Variants in PDE10A observed in about 807,000 individuals in gnomAD.
The protein encoded by PDE10A is phosphodiesterase 10A, also known as cAMP and cAMP-inhibited cGMP 3',5'-cyclic phosphodiesterase 10A.
A neutral mutation model predicts 97.7 loss-of-function variants in PDE10A; 39 were observed. That is an observed-to-expected ratio of 0.40 (90% CI 0.31 to 0.52). The LOEUF is 0.52. Ranked by LOEUF, PDE10A falls within the 20% of genes least tolerant of loss-of-function variation. The pLI is 0.56. For synonymous variants in PDE10A, 371 were observed against 376.8 expected, an observed-to-expected ratio of 0.98 and a Z score of 0.18; for missense variants, 731 against 1,047.8, an observed-to-expected ratio of 0.70 and a Z score of 4.17.
intron 1 of PDE10A, among the ~76,000 whole-genome samples, chr6:165,750,597 A>G (rs1004752959): frequency 1.3e-5 from 2 of 152,246 alleles, no homozygotes; most frequent in Non-Finnish European, 2.9e-5. Context: ...CAGAGACCAC[A>G]GTTTTTAATG....
intron 1 of PDE10A, among the ~76,000 whole-genome samples, chr6:165,563,260 G>GAGGAAGGAGGGA (rs1784613628): frequency 6.9e-6 from 1 of 145,388 alleles, no homozygotes; most frequent in African/African-American, 2.5e-5. Flanking sequence ...GGGAGGGAGG[G>GAGGAAGGAGGGA]AGGAAGGAGG....
intron 1 of PDE10A, among the ~76,000 whole-genome samples, chr6:165,821,028 A>G (rs1310523202): frequency 2.0e-5 from 3 of 152,206 alleles, no homozygotes; most frequent in African/African-American, 4.8e-5. Context: ...AGAAACATAC[A>G]TTGCACGTTG....
chr6:165,630,647 T>C (rs760296014), intron 1 of PDE10A, among the ~76,000 whole-genome samples: 1 of 152,214 alleles, frequency 6.6e-6, no homozygotes, highest in African/African-American at 2.4e-5. Flanking sequence ...CCATGGCTTA[T>C]GCTGGTAGGA....
rs1377560147 is a variant in PDE10A, at chr6:165,418,591, C to A, written c.1796+44G>T. The A allele has an allele frequency of 5.7e-6, 9 of 1,583,142 alleles. No individual in the cohort carries two copies. The highest frequency in any genetic ancestry group is 3.4e-5 in the Admixed American group (2 of 58,212). On this transcript the variant is annotated intron_variant, in intron 11 of 21. Coordinates refer to ENST00000539869, the MANE Select transcript of PDE10A (RefSeq NM_001385079.1). This position sits in a 1 kb window ranked among gnomAD's most constrained non-coding sequence, Gnocchi z 4.8. ...AGAAAAATGGGTAACGGAACGCCTG[C>A]ACATCTACCGTAAGAGGATAGGACA... is the stretch of plus-strand genomic sequence containing the variant.
chr6:165,691,190 T>A (rs1253652448), intron 1 of PDE10A, among the ~76,000 whole-genome samples: 18 of 44,208 alleles, frequency 4.1e-4, no homozygotes, highest in African/African-American at 1.4e-3. Flanking sequence ...TCTCTCTCCC[T>A]CTCTCTCTCT....
chr6:165,380,912 A>C (rs936080944), intron 17 of PDE10A, among the ~76,000 whole-genome samples: 18 of 152,346 alleles, frequency 1.2e-4, no homozygotes, highest in African/African-American at 4.3e-4. Context: ...AATGCCTGTC[A>C]CCTCTATTTC....
chr6:165,641,425 G>A (rs939855608), intron 1 of PDE10A, among the ~76,000 whole-genome samples: 1 of 152,138 alleles, frequency 6.6e-6, no homozygotes, highest in Non-Finnish European at 1.5e-5. Context: ...TCTAAGAAGA[G>A]AAGGCATCAC....
chr6:165,783,519 A>T (rs578142989), intron 1 of PDE10A, among the ~76,000 whole-genome samples: 1 of 152,314 alleles, frequency 6.6e-6, no homozygotes, highest in East Asian at 1.9e-4. Flanking sequence ...CTATTTGATG[A>T]TTCTGTTTTT....
intron 2 of PDE10A, among the ~76,000 whole-genome samples, chr6:165,484,505 T>C (rs747458858): frequency 6.6e-6 from 1 of 152,224 alleles, no homozygotes; most frequent in Non-Finnish European, 1.5e-5. Flanking sequence ...GGATCTAGGC[T>C]GTGTGCTCCT....
At chr6:165,935,917 C>T (rs1197292794) in intron 1 of PDE10A, among the ~76,000 whole-genome samples, 1 of 152,234 alleles carries the variant, frequency 6.6e-6, no homozygotes, top group Non-Finnish European at 1.5e-5. Flanking sequence ...GCCTCCAGAA[C>T]TGTGAGCCAA....
chr6:165,482,091 T>C (rs1779637229), intron 3 of PDE10A, among the ~76,000 whole-genome samples: 1 of 152,212 alleles, frequency 6.6e-6, no homozygotes, highest in Non-Finnish European at 1.5e-5. Context: ...CATAGGCACG[T>C]GCAGCCGAAC....
At chr6:165,395,103 G>A in intron 15 of PDE10A, 78 bp downstream of exon 15, 3 of 787,430 alleles carry the variant, frequency 3.8e-6, no homozygotes, top group Non-Finnish European at 6.5e-6. Flanking sequence ...CAAAGATCGT[G>A]GTGAGGCATA....
intron 10 of PDE10A, among the ~76,000 whole-genome samples, chr6:165,419,459 T>C (rs1788545729): frequency 6.6e-6 from 1 of 152,120 alleles, no homozygotes. Flanking sequence ...ATTAGGAAAA[T>C]TGAGGCACTG....
intron 18 of PDE10A, among the ~76,000 whole-genome samples, chr6:165,376,807 T>C (rs1784631220): frequency 6.6e-6 from 1 of 152,120 alleles, no homozygotes; most frequent in South Asian, 2.1e-4. Flanking sequence ...TAGTCCTAGC[T>C]ACTCAGGAGG....
intron 1 of PDE10A, among the ~76,000 whole-genome samples, chr6:165,716,386 G>C (rs1792027636): frequency 6.6e-6 from 1 of 152,212 alleles, no homozygotes; most frequent in Non-Finnish European, 1.5e-5. Context: ...CAAGGAAGTG[G>C]GATCCAATGT....
At chr6:165,873,268 A>G (rs1781250744) in intron 1 of PDE10A, among the ~76,000 whole-genome samples, 2 of 152,186 alleles carry the variant, frequency 1.3e-5, no homozygotes, top group African/African-American at 4.8e-5. Flanking sequence ...TGAATTCCTT[A>G]AATGGTGAGT....
intron 1 of PDE10A, among the ~76,000 whole-genome samples, chr6:165,862,099 A>C (rs1450207979): frequency 6.6e-6 from 1 of 152,208 alleles, no homozygotes; most frequent in Non-Finnish European, 1.5e-5. Flanking sequence ...CCATTCCCAC[A>C]TTCCCATGGA....
At chr6:165,827,949 T>C (rs1440591167) in intron 1 of PDE10A, among the ~76,000 whole-genome samples, 2 of 152,140 alleles carry the variant, frequency 1.3e-5, no homozygotes, top group Non-Finnish European at 2.9e-5. Context: ...AATAGTGGTC[T>C]CCAATTCCAT....
chr6:165,727,444 A>G (rs1421476886), intron 1 of PDE10A, among the ~76,000 whole-genome samples: 3 of 152,194 alleles, frequency 2.0e-5, no homozygotes, highest in Non-Finnish European at 4.4e-5. Context: ...TTTTCAAAAG[A>G]CAAGGCTAGA....
Sources: gnomAD v4.1 joint callset for allele counts (sites outside exome capture counted in the v4.1 genomes callset) on GRCh38, gnomAD v4.1.1 for gene constraint, Gnocchi (gnomAD v3.1) non-coding constraint, MANE v1.5 for transcripts, NCBI Gene and HGNC (gene_info 2026-07-23, HGNC 2026-07-21) for gene names.